The following NRXN3 variants were observed in gnomAD, a reference collection of about 807,000 sequenced individuals.
The protein encoded by NRXN3 is neurexin 3.
In NRXN3, 32 loss-of-function variants were observed where a neutral mutation model predicts 137.6. That is an observed-to-expected ratio of 0.23 (90% CI 0.18 to 0.31). The LOEUF (loss-of-function observed/expected upper bound fraction) is 0.31. Among genes scored for constraint, NRXN3 ranks in the 10% least tolerant of loss-of-function variants. NRXN3 has a pLI of 1.00. For missense variants in NRXN3, 1,574 were observed against 2,062.5 expected, an observed-to-expected ratio of 0.76 and a Z score of 4.59; for synonymous variants, 798 against 784.5, an observed-to-expected ratio of 1.02 and a Z score of -0.29.
chr14:78,621,786 T>A (rs1016416575), intron 4 of NRXN3, among the ~76,000 whole-genome samples: 13 of 152,230 alleles, frequency 8.5e-5, no homozygotes, highest in Non-Finnish European at 1.3e-4. Flanking sequence ...TTGCTGTAGC[T>A]TTGAAACTAC....
At chr14:79,105,265 C>T (rs1213286635) in intron 15 of NRXN3, among the ~76,000 whole-genome samples, 3 of 152,034 alleles carry the variant, frequency 2.0e-5, no homozygotes, top group Admixed American at 1.3e-4. Flanking sequence ...ATGTCTTATG[C>T]ACAGGTATTA....
chr14:78,676,385 CA>C (rs2098006746), intron 6 of NRXN3, among the ~76,000 whole-genome samples: 1 of 152,054 alleles, frequency 6.6e-6, no homozygotes, highest in Non-Finnish European at 1.5e-5. Flanking sequence ...TGCTGATATG[CA>C]GAAAGTTTTA....
At chr14:79,307,179 A>G (rs1161618913) in intron 15 of NRXN3, among the ~76,000 whole-genome samples, 1 of 152,062 alleles carries the variant, frequency 6.6e-6, no homozygotes, top group Non-Finnish European at 1.5e-5. Context: ...TTTTATTACT[A>G]CTATCCTAAT....
At chr14:79,857,244 CAG>C (rs1441404062) in intron 20 of NRXN3, among the ~76,000 whole-genome samples, 1 of 152,064 alleles carries the variant, frequency 6.6e-6, no homozygotes, top group African/African-American at 2.4e-5. Context: ...CTTTTTGAGA[CAG>C]AGTCTCGCTC....
intron 15 of NRXN3, among the ~76,000 whole-genome samples, chr14:78,992,232 G>A (rs1480152469): frequency 6.6e-6 from 1 of 152,164 alleles, no homozygotes; most frequent in Non-Finnish European, 1.5e-5. Flanking sequence ...GAAATGTTGA[G>A]TTAATGTAGA....
chr14:79,280,141 C>T, intron 15 of NRXN3: 3 of 1,461,244 alleles, frequency 2.1e-6, no homozygotes, highest in South Asian at 1.5e-5. Context: ...TTAACTGATT[C>T]ATTGTTTGGA....
Position 79,255,092 on chromosome 14 carries a change from T to G in NRXN3, c.3263-212129T>G, listed in dbSNP as rs79544990. ...ACCAATTAAAGACGACACAATGACTTCTTCTTTCTGTAAGCTTTCCTTGAT... is the reference window on the plus strand; with the variant it reads ...ACCAATTAAAGACGACACAATGACTGCTTCTTTCTGTAAGCTTTCCTTGAT... On this transcript the variant is annotated intron_variant, in intron 15 of 20. Coordinates refer to ENST00000335750, the MANE Select transcript of NRXN3 (RefSeq NM_001330195.2). Among the ~76,000 whole-genome samples, 1,181 of 151,786 alleles carry G rather than the reference T, an allele frequency of 7.8e-3. 26 individuals are homozygous for G. In the South Asian group the frequency reaches 0.081, roughly 10 times the overall value.
intron 3 of NRXN3, among the ~76,000 whole-genome samples, chr14:78,290,971 G>A (rs2075750602): frequency 6.6e-6 from 1 of 152,192 alleles, no homozygotes; most frequent in African/African-American, 2.4e-5. Context: ...AGAATTTCAT[G>A]TTTTAGTAGA....
intron 10 of NRXN3, among the ~76,000 whole-genome samples, chr14:78,876,781 G>A (rs2152608099): frequency 6.6e-6 from 1 of 152,268 alleles, no homozygotes; most frequent in South Asian, 2.1e-4. Context: ...CTTACCACAT[G>A]GGGTTGTTGT....
intron 15 of NRXN3, among the ~76,000 whole-genome samples, chr14:79,123,207 CTGTGTGTGCGTGTGTGTGTGCGCGCGTG>C (rs1275622915): frequency 6.6e-6 from 1 of 151,900 alleles, no homozygotes; most frequent in East Asian, 2.0e-4. Flanking sequence ...TTTTCTATGG[CTGTGTGTGCGTGTGTGTGTGCGCGCGTG>C]TGTGCGTGCG....
chr14:78,861,257 C>A (rs1264273926), intron 10 of NRXN3, among the ~76,000 whole-genome samples: 1 of 152,054 alleles, frequency 6.6e-6, no homozygotes, highest in African/African-American at 2.4e-5. Flanking sequence ...CTTTGTTATT[C>A]TGAACATTAA....
At chr14:78,392,198 G>A (rs143458852) in intron 4 of NRXN3, among the ~76,000 whole-genome samples, 13 of 152,258 alleles carry the variant, frequency 8.5e-5, no homozygotes, top group East Asian at 5.8e-4. Context: ...TGACAAATAC[G>A]TCAAGATATG....
At chr14:78,473,175 G>C (rs1047205095) in intron 4 of NRXN3, among the ~76,000 whole-genome samples, 18 of 152,028 alleles carry the variant, frequency 1.2e-4, no homozygotes, top group African/African-American at 1.7e-4. Flanking sequence ...GGCCGAGGTG[G>C]GTGGATCATG....
At chr14:79,190,741 G>C (rs959089568) in intron 15 of NRXN3, among the ~76,000 whole-genome samples, 10 of 152,042 alleles carry the variant, frequency 6.6e-5, no homozygotes, top group African/African-American at 2.2e-4. Context: ...GGAGATGCAT[G>C]GTAGGGAAAA....
intron 6 of NRXN3, among the ~76,000 whole-genome samples, chr14:78,678,725 A>G (rs930433577): frequency 3.9e-5 from 6 of 152,168 alleles, no homozygotes; most frequent in African/African-American, 7.2e-5. Flanking sequence ...CCTGTAAAAC[A>G]TATGCCTAAA....
rs566461018 is a variant in NRXN3, at chr14:79,710,670, T to TTTTAG, written c.4014+12737_4014+12741dup. 2.9e-4 allele frequency among the ~76,000 whole-genome samples: 44 copies of TTTTAG among 152,348 alleles called. 1 individual carries two copies. The highest frequency in any genetic ancestry group is 9.4e-4 in the African/African-American group (39 of 41,586). On this transcript the variant is annotated intron_variant, in intron 19 of 20. Coordinates refer to ENST00000335750, the MANE Select transcript of NRXN3 (RefSeq NM_001330195.2). ...CTGAGGTGCCCCCATGTTACTTCAATTTTAGTTTGACTTTGAATTTCATTA... is the reference window on the plus strand; with the variant it reads ...CTGAGGTGCCCCCATGTTACTTCAATTTTAGTTTAGTTTGACTTTGAATTTCATTA...
rs57232548 is a variant in NRXN3, at chr14:78,510,040, T to TTATATATATATATATATATATA, written c.758-135061_758-135060insATATATATATATATATATATAT. ...AAGGCAGCCAGAACATGACAAAATT[T>TTATATATATATATATATATATA]TATATATATATATATATATTTTGGC... On this transcript the variant is annotated intron_variant, in intron 4 of 20. Transcript: ENST00000335750. Among the ~76,000 whole-genome samples the TTATATATATATATATATATATA allele has an allele frequency of 2.1e-3, 304 of 144,450 alleles. 2 individuals are homozygous for TTATATATATATATATATATATA. The highest frequency in any genetic ancestry group is 7.3e-3 in the African/African-American group (268 of 36,542). 94.8% of individuals were successfully genotyped at this position (144,450 alleles called of 152,430 possible).
At chr14:79,547,495 A>G (rs952345263) in intron 16 of NRXN3, among the ~76,000 whole-genome samples, 3 of 152,220 alleles carry the variant, frequency 2.0e-5, no homozygotes, top group Non-Finnish European at 2.9e-5. Context: ...GACATTATTT[A>G]TTCCTTTGTT....
intron 1 of NRXN3, among the ~76,000 whole-genome samples, chr14:78,221,490 C>G (rs1324852247): frequency 6.6e-6 from 1 of 152,086 alleles, no homozygotes; most frequent in Non-Finnish European, 1.5e-5. Flanking sequence ...GAAACATAGC[C>G]AGTTAAATAT....
Sources: allele counts gnomAD v4.1 joint callset (sites outside exome capture counted in the v4.1 genomes callset), GRCh38; gene constraint gnomAD v4.1.1; transcripts MANE v1.5; gene names NCBI Gene and HGNC (gene_info 2026-07-23, HGNC 2026-07-21).